Variants in CELF5 observed in about 807,000 individuals in gnomAD.
CELF5 encodes the protein CUGBP Elav-like family member 5.
CELF5 carries 6 observed loss-of-function variants against 54.9 expected under a neutral mutation model. The ratio of observed to expected loss-of-function variants is 0.11; its 90% confidence interval spans 0.06 to 0.22. CELF5 has a LOEUF of 0.22. Among genes scored for constraint, CELF5 ranks in the 10% least tolerant of loss-of-function variants. The pLI, the probability that CELF5 is intolerant of heterozygous loss-of-function variation, is 1.00. For synonymous variants in CELF5, 271 were observed against 290.9 expected (o/e 0.93, Z 0.70); for missense variants, 401 against 678.6 (o/e 0.59, Z 4.54).
intron 11 of CELF5, among the ~76,000 whole-genome samples, chr19:3,291,291 C>T (rs1467827357): frequency 6.6e-6 from 1 of 151,594 alleles, no homozygotes; most frequent in Middle Eastern, 3.2e-3. Context: ...AATGGCCAGG[C>T]GCAGTGGCTC....
chr19:3,269,803 C>T (rs1442797926), intron 2 of CELF5, among the ~76,000 whole-genome samples: 1 of 152,108 alleles, frequency 6.6e-6, no homozygotes, highest in South Asian at 2.1e-4. Context: ...GCTCTGTCGT[C>T]CACGCCGGAG....
At chr19:3,295,788 C>T (rs1252828179) in intron 12 of CELF5, 1 of 153,018 alleles carries the variant, frequency 6.5e-6, no homozygotes, top group Non-Finnish European at 1.5e-5. Flanking sequence ...TCTCTGCTCC[C>T]CTGCCCGAGT....
intron 11 of CELF5, among the ~76,000 whole-genome samples, chr19:3,292,315 T>G (rs56101938): frequency 3.4e-5 from 4 of 118,050 alleles, no homozygotes; most frequent in South Asian, 2.7e-4. Flanking sequence ...TTTTTTTTTT[T>G]TTTTTGAAAT....
At chr19:3,286,239 C>T (rs1032132168) in intron 10 of CELF5, 2 of 504,480 alleles carry the variant, frequency 4.0e-6, no homozygotes, top group African/African-American at 2.0e-5. Context: ...CATGCTCGCC[C>T]CGACCCCGTA....
chr19:3,285,443 C>T (rs2080225202), intron 9 of CELF5, among the ~76,000 whole-genome samples: 2 of 149,130 alleles, frequency 1.3e-5, no homozygotes, highest in South Asian at 4.3e-4. Flanking sequence ...CCGCCCTCTG[C>T]TGCGGCCCCG....
At chr19:3,241,786 GTGTT>G (rs1423953049) in intron 1 of CELF5, among the ~76,000 whole-genome samples, 2 of 151,972 alleles carry the variant, frequency 1.3e-5, no homozygotes, top group Admixed American at 6.6e-5. Context: ...TTGTTGTTGT[GTGTT>G]TGTTTGAGAC....
chr19:3,260,209 C>T (rs1005005610), intron 2 of CELF5, among the ~76,000 whole-genome samples: 26 of 152,122 alleles, frequency 1.7e-4, no homozygotes, highest in South Asian at 6.2e-4. Context: ...CTCCACGTCC[C>T]GGGTTCAAGC....
intron 11 of CELF5, among the ~76,000 whole-genome samples, chr19:3,292,113 A>G (rs1372409014): frequency 6.6e-6 from 1 of 151,718 alleles, no homozygotes; most frequent in Non-Finnish European, 1.5e-5. Context: ...CGTCTGGCTA[A>G]TTTTTGTATT....
At chr19:3,266,285 C>T (rs768871328) in intron 2 of CELF5, among the ~76,000 whole-genome samples, 9 of 152,020 alleles carry the variant, frequency 5.9e-5, no homozygotes, top group Non-Finnish European at 1.2e-4. Context: ...AGAGCTGCTT[C>T]GACTCCATCC....
At chr19:3,233,757 G>A (rs1195794467) in intron 1 of CELF5, among the ~76,000 whole-genome samples, 1 of 152,166 alleles carries the variant, frequency 6.6e-6, no homozygotes, top group Non-Finnish European at 1.5e-5. Flanking sequence ...AAGGACTTTG[G>A]TTTTTACCCC....
intron 1 of CELF5, among the ~76,000 whole-genome samples, chr19:3,234,264 T>C (rs537894952): frequency 1.2e-4 from 18 of 151,842 alleles, no homozygotes; most frequent in Admixed American, 7.2e-4. Flanking sequence ...TCTCTCTCTC[T>C]CTCCCTCCCT....
chr19:3,266,228 G>A (rs1360037208), intron 2 of CELF5, among the ~76,000 whole-genome samples: 1 of 152,192 alleles, frequency 6.6e-6, no homozygotes, highest in African/African-American at 2.4e-5. Context: ...AGGTGTTGCT[G>A]TGGCAACGGT....
At position 3,292,829 on chromosome 19, in the gene CELF5, G is replaced by A. The variant is rs375587787; in HGVS notation, c.1331-490G>A. On this transcript the variant is annotated intron_variant, in intron 11 of 12. Coordinates refer to ENST00000292672, the MANE Select transcript of CELF5 (RefSeq NM_021938.4). Reference sequence around the variant, plus strand: ...GAGCATCTCTTGAGCCAAGGAGGTCGAGGCTGCAGTGAGCTGAGATTGCGC... The same window carrying A: ...GAGCATCTCTTGAGCCAAGGAGGTCAAGGCTGCAGTGAGCTGAGATTGCGC... Among the ~76,000 whole-genome samples, 15 of 152,210 alleles carry A rather than the reference G, an allele frequency of 9.9e-5. 1 individual carries two copies. In the East Asian group the frequency reaches 2.5e-3, roughly 25 times the overall value.
At chr19:3,248,853 T>TCTTCCCTCCTTC (rs1555719683) in intron 1 of CELF5, among the ~76,000 whole-genome samples, 9 of 118,826 alleles carry the variant, frequency 7.6e-5, no homozygotes, top group African/African-American at 3.2e-4. Flanking sequence ...TTTCTTTCTT[T>TCTTCCCTCCTTC]CTTCCTTCCT....
chr19:3,293,291 C>T, intron 11 of CELF5, 28 bp from the exon 12 acceptor site: 1 of 1,613,428 alleles, frequency 6.2e-7, no homozygotes, highest in Non-Finnish European at 8.5e-7. Flanking sequence ...GCAGCGCCAA[C>T]CACGGAGGTC....
intron 2 of CELF5, among the ~76,000 whole-genome samples, chr19:3,265,953 CCCA>C (rs1261944882): frequency 6.6e-6 from 1 of 151,994 alleles, no homozygotes; most frequent in East Asian, 1.9e-4. Context: ...ATTACAGGTG[CCCA>C]CCACCACGCC....
chr19:3,292,615 CAG>C (rs2080370430), intron 11 of CELF5, among the ~76,000 whole-genome samples: 1 of 151,904 alleles, frequency 6.6e-6, no homozygotes, highest in Non-Finnish European at 1.5e-5. Context: ...GGCCTCTGGA[CAG>C]AGACTGGAGC....
intron 2 of CELF5, 87 bp from the exon 3 acceptor site, chr19:3,273,785 G>A: frequency 2.1e-6 from 2 of 957,532 alleles, no homozygotes; most frequent in East Asian, 2.4e-5. Context: ...AGGTGGGCAG[G>A]GCTGGCCTGC....
chr19:3,261,404 C>A (rs1393208916), intron 2 of CELF5, among the ~76,000 whole-genome samples: 1 of 148,930 alleles, frequency 6.7e-6, no homozygotes, highest in East Asian at 2.0e-4. Context: ...GGCGACAGAG[C>A]AAGACTCCAT....
Sources: gnomAD v4.1 joint callset for allele counts (sites outside exome capture counted in the v4.1 genomes callset) on GRCh38, gnomAD v4.1.1 for gene constraint, MANE v1.5 for transcripts, NCBI Gene and HGNC (gene_info 2026-07-23, HGNC 2026-07-21) for gene names.